Variants in SGCD observed in about 807,000 individuals in gnomAD.
The protein encoded by SGCD is delta-sarcoglycan.
SGCD carries 18 observed loss-of-function variants against 36.6 expected under a neutral mutation model. The ratio of observed to expected loss-of-function variants is 0.49; its 90% CI spans 0.34 to 0.73. SGCD has a LOEUF of 0.73. SGCD is among the 30% of genes least tolerant of loss of function. SGCD has a pLI of 0.01. For missense variants in SGCD, 387 were observed against 346.7 expected (o/e 1.12, Z -0.92); for synonymous variants, 133 against 130.6 (o/e 1.02, Z -0.12).
chr5:155,934,417 C>A (rs1213708239), intron 1 of SGCD, among the ~76,000 whole-genome samples: 1 of 152,118 alleles, frequency 6.6e-6, no homozygotes, highest in African/African-American at 2.4e-5. Context: ...ACAAGAGTTC[C>A]CTCAAATCAA....
At chr5:155,865,732 C>T (rs1418308371), upstream of SGCD, among the ~76,000 whole-genome samples, 1 of 152,100 alleles carries the variant, frequency 6.6e-6, no homozygotes, top group Non-Finnish European at 1.5e-5. Flanking sequence ...TTTTAAAAGT[C>T]ACATGTGTTA....
chr5:156,114,841 T>G (rs1024130250), intron 1 of SGCD, among the ~76,000 whole-genome samples: 1 of 152,128 alleles, frequency 6.6e-6, no homozygotes, highest in East Asian at 1.9e-4. Context: ...CTGGAATCTC[T>G]TACACATATT....
In SGCD at chr5:156,719,375, T is replaced by TTATA. The variant is rs149131739; in HGVS notation, c.576-38205_576-38202dup. Among the ~76,000 whole-genome samples the TTATA allele has an allele frequency of 5.1e-4, 77 of 150,566 alleles. 1 individual carries two copies. Among genetic ancestry groups the TTATA allele is most frequent in the African/African-American group, 1.5e-3 (60 of 40,814 alleles). ...ATATAAATGTTAATCTCATCATATA[T>TTATA]TATAGATATATATATGATGTATATA... On this transcript the variant is annotated intron_variant, in intron 7 of 8. Coordinates refer to ENST00000337851, the MANE Select transcript of SGCD (RefSeq NM_000337.6).
chr5:155,753,207 C>A, the SGCD span, among the ~76,000 whole-genome samples: 1 of 151,920 alleles, frequency 6.6e-6, no homozygotes, highest in Non-Finnish European at 1.5e-5. Context: ...CATGGTGGCA[C>A]GCGCCTGTAG....
chr5:156,175,562 TAATA>T (rs1763445987), intron 3 of SGCD, among the ~76,000 whole-genome samples: 1 of 152,188 alleles, frequency 6.6e-6, no homozygotes, highest in Admixed American at 6.5e-5. Flanking sequence ...ATGCAAAGTA[TAATA>T]ATTAACCTAG....
chr5:156,125,903 A>G (rs1561530167), intron 3 of SGCD, among the ~76,000 whole-genome samples: 1 of 147,344 alleles, frequency 6.8e-6, no homozygotes, highest in Admixed American at 6.8e-5. Flanking sequence ...TTGGAGATGG[A>G]GTCTCACTTT....
At chr5:156,535,123 C>A (rs529356251) in intron 4 of SGCD, among the ~76,000 whole-genome samples, 2 of 152,296 alleles carry the variant, frequency 1.3e-5, no homozygotes, top group South Asian at 4.1e-4. Flanking sequence ...CTTGTTCAAC[C>A]CACACATGCA....
chr5:156,225,621 A>G (rs892723474), intron 3 of SGCD, among the ~76,000 whole-genome samples: 13 of 152,092 alleles, frequency 8.5e-5, no homozygotes, highest in African/African-American at 3.1e-4. Flanking sequence ...ACCATTTGTT[A>G]AGAGAATGAA....
At chr5:156,335,797 T>G (rs1046714137) in intron 2 of SGCD, among the ~76,000 whole-genome samples, 2 of 152,144 alleles carry the variant, frequency 1.3e-5, no homozygotes, top group Non-Finnish European at 2.9e-5. Flanking sequence ...CCACAGAGAA[T>G]CCTGTTAGCT....
chr5:156,141,922 C>T (rs1762591507), intron 3 of SGCD, among the ~76,000 whole-genome samples: 1 of 152,134 alleles, frequency 6.6e-6, no homozygotes, highest in Non-Finnish European at 1.5e-5. Context: ...GAGCAGTTTC[C>T]TTCATTTTCT....
chr5:155,798,810 T>G, the SGCD span, among the ~76,000 whole-genome samples: 1 of 152,208 alleles, frequency 6.6e-6, no homozygotes, highest in Non-Finnish European at 1.5e-5. Context: ...TGACCCTTGC[T>G]TGGTATTTCT....
chr5:156,323,170 G>A (rs994258760), upstream of SGCD, among the ~76,000 whole-genome samples: 1 of 152,132 alleles, frequency 6.6e-6, no homozygotes, highest in African/African-American at 2.4e-5. Context: ...TATGACTCCA[G>A]GTTACTACCT....
At chr5:156,405,818 A>C (rs1192177088) in intron 3 of SGCD, among the ~76,000 whole-genome samples, 4 of 152,054 alleles carry the variant, frequency 2.6e-5, no homozygotes, top group Non-Finnish European at 5.9e-5. Context: ...GCAGGACCAC[A>C]GTTTCAAGCT....
rs371401781 is a variant in SGCD at position 156,620,511 on chromosome 5, G to C, written c.502+25460G>C. ...TTGGACATGCTGAGAGGATTAAGTA[G>C]ATGGTAAGTGCTGAAGACAAGGTAG... On this transcript the variant is annotated intron_variant, in intron 6 of 8. Transcript: ENST00000337851. Among the ~76,000 whole-genome samples, 5 of 152,330 alleles carry C rather than the reference G, an allele frequency of 3.3e-5. No individual in the cohort carries two copies. In the South Asian group the frequency reaches 8.3e-4, roughly 25 times the overall value.
intron 3 of SGCD, among the ~76,000 whole-genome samples, chr5:156,430,363 AT>A (rs1255374641): frequency 2.7e-5 from 4 of 150,838 alleles, no homozygotes; most frequent in South Asian, 2.1e-4. Flanking sequence ...AGAAGTTTTG[AT>A]TTTTTTTCTA....
At chr5:155,855,679 T>C in the SGCD span, among the ~76,000 whole-genome samples, 1 of 152,178 alleles carries the variant, frequency 6.6e-6, no homozygotes. Context: ...TTACAGTGTA[T>C]TTCTCATGTT....
intron 3 of SGCD, among the ~76,000 whole-genome samples, chr5:156,374,972 A>T (rs937109419): frequency 1.3e-5 from 2 of 152,226 alleles, no homozygotes; most frequent in African/African-American, 4.8e-5. Flanking sequence ...ACTATAGAAC[A>T]TCACTCTTCA....
At chr5:156,613,740 C>T (rs1561815607) in intron 6 of SGCD, among the ~76,000 whole-genome samples, 1 of 152,184 alleles carries the variant, frequency 6.6e-6, no homozygotes, top group Non-Finnish European at 1.5e-5. Flanking sequence ...ACCACTGACC[C>T]AAGACAATGA....
chr5:156,166,398 G>A (rs1488987974), intron 3 of SGCD, among the ~76,000 whole-genome samples: 1 of 151,970 alleles, frequency 6.6e-6, no homozygotes, highest in African/African-American at 2.4e-5. Flanking sequence ...CTTACTGCAA[G>A]CTCTGCCTCC....
Sources: gnomAD v4.1 joint callset for allele counts (sites outside exome capture counted in the v4.1 genomes callset) on GRCh38, gnomAD v4.1.1 for gene constraint, MANE v1.5 for transcripts, NCBI Gene and HGNC (gene_info 2026-07-23, HGNC 2026-07-21) for gene names.